The following DSP variants were observed in gnomAD, a reference collection of about 807,000 sequenced individuals.
DSP encodes the protein 250/210 kDa paraneoplastic pemphigus antigen.
DSP carries 114 observed loss-of-function variants against 290.6 expected under a neutral mutation model. The observed-to-expected ratio is 0.39, with a 90% CI of 0.34 to 0.46. The LOEUF is 0.46. Among genes scored for constraint, DSP ranks in the 20% least tolerant of loss-of-function variants. DSP has a pLI of 0.99. For synonymous variants in DSP, 1,311 were observed against 1,316.4 expected, an observed-to-expected ratio of 1.00 and a Z score of 0.09; for missense variants, 3,230 against 3,495.8, an observed-to-expected ratio of 0.92 and a Z score of 1.92.
Position 7,567,455 on chromosome 6 carries a change from T to C in DSP, c.1140+6T>C, listed in dbSNP as rs534740669. 164 of 1,610,936 alleles carry C rather than the reference T, an allele frequency of 1.0e-4. 1 individual carries two copies. The highest frequency in any genetic ancestry group is 8.2e-4 in the East Asian group (37 of 44,862). ...AAAATGCTGCCTACTTTCAGGTTTT[T>C]ATATTTAGTGATAATTTTGTTGTTA... On this transcript the variant is annotated splice_donor_region_variant and intron_variant, in intron 9 of 23. Coordinates refer to ENST00000379802, the MANE Select transcript of DSP (RefSeq NM_004415.4).
chr6:7,580,642 A>G lies in DSP; in HGVS notation c.4452A>G (p.Glu1484=). The change falls in exon 23 of 24, where the codon GAA becomes GAG. Residue 1484 remains glutamate (E), a synonymous_variant. Transcript: ENST00000379802. This position sits in a 1 kb window ranked among gnomAD's most constrained non-coding sequence, Gnocchi z 4.2. Reference sequence around the variant, plus strand: ...TCCAGGATAAAAACAAGGAGATAGAAAGGTTAAAACAACTGATCGACAAAG... The same window carrying G: ...TCCAGGATAAAAACAAGGAGATAGAGAGGTTAAAACAACTGATCGACAAAG... The part of the protein sequence containing the change: ...KTIQDKNKEI[E]RLKQLIDKET... 1 of 1,614,126 alleles carries G rather than the reference A, an allele frequency of 6.2e-7. No individual in the cohort carries two copies. Among genetic ancestry groups the G allele is most frequent in the Non-Finnish European group, 8.5e-7 (1 of 1,180,038 alleles).
intron 21 of DSP, among the ~76,000 whole-genome samples, chr6:7,578,166 G>C (rs1040151475): frequency 2.8e-5 from 4 of 143,886 alleles, no homozygotes; most frequent in African/African-American, 1.0e-4. Context: ...TGATGAGAGA[G>C]ACTTCTAAAA....
Position 7,565,921 on chromosome 6 carries a change from C to A in DSP, c.939+401C>A. On this transcript the variant is annotated intron_variant, in intron 7 of 23. Transcript: ENST00000379802. This position sits in a 1 kb window ranked among gnomAD's most constrained non-coding sequence, Gnocchi z 4.2. Reference sequence around the variant, plus strand: ...TGATGAAATAACCTGTACAACAAATCCCTGTGATACAAGTTTACCTGTGTA... The same window carrying A: ...TGATGAAATAACCTGTACAACAAATACCTGTGATACAAGTTTACCTGTGTA... 1 of 334,106 alleles carries A rather than the reference C, an allele frequency of 3.0e-6. No individual in the cohort carries two copies. The highest frequency in any genetic ancestry group is 7.6e-5 in the East Asian group (1 of 13,138). 20.7% of individuals were successfully genotyped at this position (334,106 alleles called of 1,614,324 possible). A position where few individuals can be genotyped will look rare whatever the true frequency, so the allele number is the denominator to read the frequency against.
chr6:7,544,445 G>A (rs1194993138), intron 1 of DSP, among the ~76,000 whole-genome samples: 2 of 151,588 alleles, frequency 1.3e-5, no homozygotes, highest in African/African-American at 2.4e-5. Flanking sequence ...TTTCTGACCC[G>A]AAGGTTTTCT....
At chr6:7,566,723 A>G (rs1758876085) in intron 8 of DSP, among the ~76,000 whole-genome samples, 1 of 152,220 alleles carries the variant, frequency 6.6e-6, no homozygotes, top group South Asian at 2.1e-4. Flanking sequence ...ATTATAGTGC[A>G]GAAGGAGGCA....
intron 1 of DSP, among the ~76,000 whole-genome samples, chr6:7,555,494 G>A (rs770363865): frequency 3.9e-5 from 6 of 151,988 alleles, no homozygotes; most frequent in African/African-American, 1.5e-4. Context: ...TTCTCAAGTG[G>A]TTCAGAAAAA....
At position 7,585,170 on chromosome 6, in the gene DSP, T is replaced by C; in HGVS notation, c.7908T>C (p.Gly2636=). 6.2e-7 allele frequency: 1 copy of C among 1,613,968 alleles called. No individual in the cohort carries two copies. The highest frequency in any genetic ancestry group is 8.5e-7 in the Non-Finnish European group (1 of 1,180,000). Reference sequence around the variant, plus strand: ...TGGAGAAAATCTCCATTACAGAAGGTATAGAGCGGGGCATCGTTGACAGCA... The same window carrying C: ...TGGAGAAAATCTCCATTACAGAAGGCATAGAGCGGGGCATCGTTGACAGCA... The part of the protein sequence containing the change: ...ENLEKISITE[G]IERGIVDSIT... Residue 2636 remains glycine, a synonymous_variant, in exon 24 of 24, where the codon GGT becomes GGC. Coordinates refer to ENST00000379802, the MANE Select transcript of DSP (RefSeq NM_004415.4).
chr6:7,586,387 G>A lies in DSP; in HGVS notation c.*509G>A. On this transcript the variant is annotated 3_prime_UTR_variant, in exon 24 of 24. Transcript: ENST00000379802. ...GGAATGAGTCTCCTTTAGTTTCAGA[G>A]TGTGGATTGTATAACCCATATACTC... The A allele has an allele frequency of 5.9e-6, 1 of 168,890 alleles. No individual in the cohort carries two copies. Among genetic ancestry groups the A allele is most frequent in the Non-Finnish European group, 1.3e-5 (1 of 78,224 alleles). The allele number at this position is 168,890 out of a possible 1,614,324, so 10.5% of individuals were successfully genotyped here.
chr6:7,558,396 T>G (rs1758569791), intron 3 of DSP, 132 bp downstream of exon 3: 3 of 1,315,654 alleles, frequency 2.3e-6, no homozygotes, highest in Non-Finnish European at 3.2e-6. Flanking sequence ...GTTTGCTTAC[T>G]TGGTATTTTG....
rs150734502 is a variant in DSP at position 7,571,418 on chromosome 6, G to T, written c.1737G>T (p.Thr579=). The T allele has an allele frequency of 2.5e-6, 4 of 1,614,096 alleles. No individual in the cohort carries two copies. The African/African-American group carries it at 5.3e-5, about 22-fold the overall frequency. Reference sequence around the variant, plus strand: ...TGCGGCAGGAAGATTACATGAAGACGATAGCCGACCTTGAGTTACATTACC... The same window carrying T: ...TGCGGCAGGAAGATTACATGAAGACTATAGCCGACCTTGAGTTACATTACC... ...KTMRQEDYMK[T]IADLELHYQE... Residue 579 remains threonine (T), a synonymous_variant, in exon 14 of 24, where the codon ACG becomes ACT. Coordinates refer to ENST00000379802, the MANE Select transcript of DSP (RefSeq NM_004415.4).
intron 1 of DSP, among the ~76,000 whole-genome samples, chr6:7,542,963 C>A (rs902572475): frequency 1.3e-4 from 20 of 152,086 alleles, no homozygotes; most frequent in Non-Finnish European, 2.4e-4. Context: ...GAGGACGACG[C>A]TGGGGGCCCG....
chr6:7,555,831 C>G lies in DSP; in HGVS notation c.273+11C>G, dbSNP rs1234194955. On this transcript the variant is annotated intron_variant, in intron 2 of 23. Coordinates refer to ENST00000379802, the MANE Select transcript of DSP (RefSeq NM_004415.4). The stretch of plus-strand genomic sequence containing the variant: ...CTCATCGTGCAGCCTGTAAGCTTTC[C>G]CTGTTCCCATCGCTTCTCCCAAAGC... The G allele has an allele frequency of 1.2e-5, 19 of 1,612,542 alleles. No homozygotes were observed. The highest frequency in any genetic ancestry group is 1.5e-5 in the Non-Finnish European group (18 of 1,179,288).
chr6:7,565,719 G>A lies in DSP; in HGVS notation c.939+199G>A. The A allele has an allele frequency of 3.1e-6, 2 of 645,750 alleles. No individual in the cohort carries two copies. The highest frequency in any genetic ancestry group is 3.0e-5 in the East Asian group (1 of 33,784). 40.0% of individuals were successfully genotyped at this position (645,750 alleles called of 1,614,324 possible). ...CATTATCCTTAGCAAACTTATGCGG[G>A]AACAGAAAACCAAATACCACATGTT... On this transcript the variant is annotated intron_variant, in intron 7 of 23. Transcript: ENST00000379802. This position sits in a 1 kb window ranked among gnomAD's most constrained non-coding sequence, Gnocchi z 4.2.
chr6:7,554,605 T>A (rs1206860465), intron 1 of DSP, among the ~76,000 whole-genome samples: 2 of 152,038 alleles, frequency 1.3e-5, no homozygotes, highest in African/African-American at 4.8e-5. Flanking sequence ...CCATGATTTT[T>A]AAAAAAAACA....
At position 7,581,184 on chromosome 6, in the gene DSP, G is replaced by A; in HGVS notation, c.4994G>A (p.Arg1665Lys). Residue 1665 changes from arginine to lysine, a missense_variant, in exon 23 of 24, where the codon AGG (arginine) becomes AAG (lysine). Transcript: ENST00000379802. Reference sequence around the variant, plus strand: ...CTCTCTTCTGAGGTCGAGGCCCTGAGGCGGCAGTTACTCCAGGAACAGGAA... The same window carrying A: ...CTCTCTTCTGAGGTCGAGGCCCTGAAGCGGCAGTTACTCCAGGAACAGGAA... ...RRLSSEVEAL[R>K]RQLLQEQESV... 6.2e-7 allele frequency: 1 copy of A among 1,614,200 alleles called. No individual in the cohort carries two copies. The highest frequency in any genetic ancestry group is 1.1e-5 in the South Asian group (1 of 91,090).
In DSP at chr6:7,583,272, G is replaced by T. The variant is rs764692193; in HGVS notation, c.6010G>T (p.Val2004Phe). The change falls in exon 24 of 24, where the codon GTT becomes TTT. Residue 2004 changes from valine to phenylalanine, a missense_variant. Around this residue, in one of 5 missense-constraint regions of DSP, gnomAD observed 1,714 missense variants for 1,844.5 expected, o/e 0.93. Transcript: ENST00000379802. This position sits in a 1 kb window ranked among gnomAD's most constrained non-coding sequence, Gnocchi z 4.0. Reference sequence around the variant, plus strand: ...GAAGGGGAAGAAGTCAGTGGAAGAAGTTGCTTCTGAAATCCAGCCATTCCT... The same window carrying T: ...GAAGGGGAAGAAGTCAGTGGAAGAATTTGCTTCTGAAATCCAGCCATTCCT... ...LLKGKKSVEE[V>F]ASEIQPFLRG... The T allele has an allele frequency of 3.2e-5, 51 of 1,614,088 alleles. No homozygotes were observed. In the African/African-American group the frequency reaches 6.3e-4, roughly 20 times the overall value.
In DSP at chr6:7,585,118, T is replaced by C; in HGVS notation, c.7856T>C (p.Ile2619Thr). 4 of 1,614,150 alleles carry C rather than the reference T, an allele frequency of 2.5e-6. No individual in the cohort carries two copies. Among genetic ancestry groups the C allele is most frequent in the Non-Finnish European group, 3.4e-6 (4 of 1,180,026 alleles). Residue 2619 changes from isoleucine to threonine, a missense_variant, in exon 24 of 24, where the codon ATT (isoleucine) becomes ACT (threonine). Around this residue, in one of 5 missense-constraint regions of DSP, gnomAD observed 582 missense variants for 555.4 expected, o/e 1.05. Transcript: ENST00000379802. The stretch of plus-strand genomic sequence containing the variant: ...GACACCCTGGAAGAATCGAGCCCCA[T>C]TGCAGCCATCTTTGACACAGAAAAC... The part of the protein sequence containing the change: ...FSDTLEESSP[I>T]AAIFDTENLE...
In DSP at chr6:7,574,148, C is replaced by T. The variant is rs948260928; in HGVS notation, c.2193C>T (p.Ala731=). The change falls in exon 16 of 24, where the codon GCC becomes GCT. Residue 731 remains alanine, a synonymous_variant. Coordinates refer to ENST00000379802, the MANE Select transcript of DSP (RefSeq NM_004415.4). ...EVLNQLKDML[A]NFRGSEKYCY... ...TCAACCAGCTTAAAGATATGCTTGC[C>T]AACTTCAGAGGTTCTGAAAAGTACT... 1 of 1,613,980 alleles carries T rather than the reference C, an allele frequency of 6.2e-7. No individual in the cohort carries two copies. The highest frequency in any genetic ancestry group is 1.3e-5 in the African/African-American group (1 of 74,920).
Position 7,579,235 on chromosome 6 carries a change from G to A in DSP, c.3085-40G>A. ...TACTGCTTCTTTCTTGGAATGTGAG[G>A]TGTTTTTCTTTTGACATAATCTCTG... On this transcript the variant is annotated intron_variant, in intron 22 of 23. Transcript: ENST00000379802. The surrounding 1 kb of genome is among the most constrained non-coding windows in gnomAD (Gnocchi z 4.1). The A allele has an allele frequency of 6.2e-7, 1 of 1,611,164 alleles. No individual in the cohort carries two copies. Among genetic ancestry groups the A allele is most frequent in the Non-Finnish European group, 8.5e-7 (1 of 1,178,628 alleles).
Sources: gnomAD v4.1 joint callset for allele counts (sites outside exome capture counted in the v4.1 genomes callset) on GRCh38, gnomAD v4.1.1 for gene constraint, gnomAD v4.1.1 regional missense constraint, Gnocchi (gnomAD v3.1) non-coding constraint, MANE v1.5 for transcripts, NCBI Gene and HGNC (gene_info 2026-07-23, HGNC 2026-07-21) for gene names.